IRF4: variants seen among roughly 807,000 people sequenced by gnomAD.
The protein encoded by IRF4 is lymphocyte-specific interferon regulatory factor.
Under a neutral mutation model 55.5 loss-of-function variants are expected in IRF4, and 13 were observed. That is an observed-to-expected ratio of 0.23 (90% CI 0.15 to 0.37). IRF4 has a LOEUF of 0.37. Ranked by LOEUF, IRF4 falls within the 10% of genes least tolerant of loss-of-function variation. The probability of loss-of-function intolerance (pLI) is 1.00; values close to 1 mark genes in which losing one functional copy is unlikely to be tolerated. For missense variants in IRF4, 397 were observed against 593.8 expected (o/e 0.67, Z 3.44); for synonymous variants, 249 against 240.7 (o/e 1.03, Z -0.32).
intron 3 of IRF4, 78 bp from the exon 4 acceptor site, chr6:395,768 AT>A: frequency 9.4e-7 from 1 of 1,061,698 alleles, no homozygotes; most frequent in East Asian, 2.5e-5. Context: ...ATGCTCAGGT[AT>A]TTTTACAAGA....
At chr6:395,245 G>C (rs1022110680) in intron 3 of IRF4, among the ~76,000 whole-genome samples, 1 of 150,984 alleles carries the variant, frequency 6.6e-6, no homozygotes. Flanking sequence ...ATATGGGGGG[G>C]GGTGCATTGA....
chr6:393,724 C>T lies in IRF4; in HGVS notation c.216+356C>T, dbSNP rs1334362864. On this transcript the variant is annotated intron_variant, in intron 2 of 8. Transcript: ENST00000380956. The surrounding 1 kb of genome is among the most constrained non-coding windows in gnomAD (Gnocchi z 5.4). ...CGCCCTTCCTCCGGGCTCCCGTCTG[C>T]CGCCTCCGTCCGTGGGTCCCCCTCG... 2.0e-5 allele frequency among the ~76,000 whole-genome samples: 3 copies of T among 152,228 alleles called. No homozygotes were observed. The highest frequency in any genetic ancestry group is 6.5e-5 in the Admixed American group (1 of 15,290).
At chr6:406,714 G>A (rs113279656) in intron 8 of IRF4, 21 of 1,003,650 alleles carry the variant, frequency 2.1e-5, no homozygotes, top group East Asian at 7.7e-5. Context: ...ATAAACACAC[G>A]TGTACACCTA....
intron 7 of IRF4, among the ~76,000 whole-genome samples, chr6:402,323 C>T (rs1327689472): frequency 6.6e-6 from 1 of 152,110 alleles, no homozygotes; most frequent in African/African-American, 2.4e-5. Flanking sequence ...GTTTTTCTAC[C>T]TTGGATTTCA....
rs1373082798 is a variant in IRF4, at chr6:410,974, T to A, written c.*3376T>A. ...TCTCCTTGAGATCCTGATAGCCTGT[T>A]ACAGGAATGAAGTAAAGGTCAGTTT... On this transcript the variant is annotated 3_prime_UTR_variant, in exon 9 of 9. Coordinates refer to ENST00000380956, the MANE Select transcript of IRF4 (RefSeq NM_002460.4). 4.5e-6 allele frequency: 1 copy of A among 220,468 alleles called. No individual in the cohort carries two copies. 13.7% of individuals were successfully genotyped at this position (220,468 alleles called of 1,614,324 possible). A position where few individuals can be genotyped will look rare whatever the true frequency, so the allele number is the denominator to read the frequency against.
chr6:401,903 G>T (rs1057247513), intron 7 of IRF4, 126 bp downstream of exon 7: 4 of 738,958 alleles, frequency 5.4e-6, no homozygotes, highest in Admixed American at 2.4e-5. Flanking sequence ...GCGCCCACTG[G>T]GCTTGGGGCT....
chr6:401,307 C>T (rs1761391660), intron 6 of IRF4, 117 bp from the exon 7 acceptor site: 1 of 760,420 alleles, frequency 1.3e-6, no homozygotes, highest in African/African-American at 1.7e-5. Flanking sequence ...CTTTTGTTCC[C>T]CCACGGGACA....
intron 7 of IRF4, among the ~76,000 whole-genome samples, chr6:403,696 C>T (rs987610604): frequency 2.0e-5 from 3 of 152,250 alleles, no homozygotes; most frequent in African/African-American, 7.2e-5. Context: ...TTGCCCACTG[C>T]AGCCTCTCAC....
At chr6:399,459 G>T (rs1761345780) in intron 6 of IRF4, among the ~76,000 whole-genome samples, 1 of 147,164 alleles carries the variant, frequency 6.8e-6, no homozygotes, top group Non-Finnish European at 1.5e-5. Flanking sequence ...AATATAGCTT[G>T]CAAACAAATA....
At position 395,967 on chromosome 6, in the gene IRF4, C is replaced by T. The variant is rs199665380; in HGVS notation, c.492+32C>T. ...TGGAGGGCACTGGGCTCCCTGAGGG[C>T]GAGGCTGTGTGGGCCAGCTGCCCAC... On this transcript the variant is annotated intron_variant, in intron 4 of 8. Coordinates refer to ENST00000380956, the MANE Select transcript of IRF4 (RefSeq NM_002460.4). 70 of 1,561,464 alleles carry T rather than the reference C, an allele frequency of 4.5e-5. No individual in the cohort carries two copies. In the African/African-American group the frequency reaches 5.8e-4, roughly 13 times the overall value.
At chr6:395,822 A>G (rs1761235368) in intron 3 of IRF4, 25 bp from the exon 4 acceptor site, 1 of 1,587,252 alleles carries the variant, frequency 6.3e-7, no homozygotes, top group Non-Finnish European at 8.6e-7. Flanking sequence ...ACGTTGTGCC[A>G]TTTCCCTTTT....
intron 7 of IRF4, 53 bp downstream of exon 7, chr6:401,830 C>G: frequency 6.5e-7 from 1 of 1,540,520 alleles, no homozygotes; most frequent in Non-Finnish European, 8.9e-7. Context: ...CTGCCTGCCA[C>G]AGGGGTCAGA....
chr6:393,743 C>T lies in IRF4; in HGVS notation c.216+375C>T, dbSNP rs750352217. Among the ~76,000 whole-genome samples, 1 of 152,218 alleles carries T rather than the reference C, an allele frequency of 6.6e-6. No individual in the cohort carries two copies. Among genetic ancestry groups the T allele is most frequent in the East Asian group, 1.9e-4 (1 of 5,184 alleles). Reference sequence around the variant, plus strand: ...CGTCTGCCGCCTCCGTCCGTGGGTCCCCCTCGCCCTCTCCGTGCGTCCGCG... The same window carrying T: ...CGTCTGCCGCCTCCGTCCGTGGGTCTCCCTCGCCCTCTCCGTGCGTCCGCG... On this transcript the variant is annotated intron_variant, in intron 2 of 8. Coordinates refer to ENST00000380956, the MANE Select transcript of IRF4 (RefSeq NM_002460.4). The surrounding 1 kb of genome is among the most constrained non-coding windows in gnomAD (Gnocchi z 5.4).
In IRF4 at chr6:393,434, C is replaced by T. The variant is rs1306049032; in HGVS notation, c.216+66C>T. The T allele has an allele frequency of 6.7e-6, 5 of 745,016 alleles. No homozygotes were observed. The highest frequency in any genetic ancestry group is 7.7e-5 in the Admixed American group (2 of 26,074). 46.2% of individuals were successfully genotyped at this position (745,016 alleles called of 1,614,324 possible). A position where few individuals can be genotyped will look rare whatever the true frequency, so the allele number is the denominator to read the frequency against. On this transcript the variant is annotated intron_variant, in intron 2 of 8. Coordinates refer to ENST00000380956, the MANE Select transcript of IRF4 (RefSeq NM_002460.4). The surrounding 1 kb of genome is among the most constrained non-coding windows in gnomAD (Gnocchi z 5.4). Reference sequence around the variant, plus strand: ...GCCCAGAGACAGAGCCCGGGGTCCCCGGCGCCGCCTCCGAGGCGAGCCCAG... The same window carrying T: ...GCCCAGAGACAGAGCCCGGGGTCCCTGGCGCCGCCTCCGAGGCGAGCCCAG...
Position 397,212 on chromosome 6 carries a change from A to T in IRF4, c.597A>T (p.Gly199=). The T allele has an allele frequency of 6.2e-7, 1 of 1,614,234 alleles. No homozygotes were observed. Among genetic ancestry groups the T allele is most frequent in the Non-Finnish European group, 8.5e-7 (1 of 1,180,048 alleles). ...CGTACCAATGTCCCATGACGTTTGGACCCCGCGGCCACCACTGGCAAGGCC... is the reference window on the plus strand; with the variant it reads ...CGTACCAATGTCCCATGACGTTTGGTCCCCGCGGCCACCACTGGCAAGGCC... ...EIPYQCPMTF[G]PRGHHWQGPA... is the part of the protein sequence containing the mutation. The change falls in exon 5 of 9, where the codon GGA becomes GGT. Residue 199 remains glycine (G), a synonymous_variant. Coordinates refer to ENST00000380956, the MANE Select transcript of IRF4 (RefSeq NM_002460.4).
At position 395,996 on chromosome 6, in the gene IRF4, G is replaced by C. The variant is rs144432479; in HGVS notation, c.492+61G>C. 907 of 1,350,966 alleles carry C rather than the reference G, an allele frequency of 6.7e-4. 4 individuals are homozygous for C. The African/African-American group carries it at 0.01, about 15-fold the overall frequency. 83.7% of individuals were successfully genotyped at this position (1,350,966 alleles called of 1,614,324 possible). A position where few individuals can be genotyped will look rare whatever the true frequency, so the allele number is the denominator to read the frequency against. ...GCTGTGTGGGCCAGCTGCCCACATG[G>C]CCAGAGAACCACAGCAGCCCAGACA... On this transcript the variant is annotated intron_variant, in intron 4 of 8. Transcript: ENST00000380956.
intron 6 of IRF4, among the ~76,000 whole-genome samples, 178 bp downstream of exon 6, chr6:399,113 A>G (rs1033446312): frequency 6.6e-6 from 1 of 152,206 alleles, no homozygotes; most frequent in African/African-American, 2.4e-5. Context: ...GAGCACCATT[A>G]GAAAACCTGA....
At chr6:401,343 G>C in intron 6 of IRF4, 81 bp from the exon 7 acceptor site, 1 of 1,058,232 alleles carries the variant, frequency 9.4e-7, no homozygotes, top group Non-Finnish European at 1.4e-6. Flanking sequence ...TTCCACCACA[G>C]GTGCTTGGCT....
intron 8 of IRF4, among the ~76,000 whole-genome samples, 172 bp from the exon 9 acceptor site, chr6:407,283 G>C (rs1761569632): frequency 7.9e-5 from 12 of 151,502 alleles, no homozygotes; most frequent in Admixed American, 7.2e-4. Context: ...TCTATGGAAG[G>C]ACTAACCAAA....
Sources: allele counts gnomAD v4.1 joint callset (sites outside exome capture counted in the v4.1 genomes callset), GRCh38; gene constraint gnomAD v4.1.1; non-coding constraint Gnocchi (gnomAD v3.1); transcripts MANE v1.5; gene names NCBI Gene and HGNC (gene_info 2026-07-23, HGNC 2026-07-21).